SLC9A3: variants seen among roughly 807,000 people sequenced by gnomAD.
The protein encoded by SLC9A3 is sodium/hydrogen exchanger 3.
In SLC9A3, 37 loss-of-function variants were observed where a neutral mutation model predicts 86.8. That is an observed-to-expected ratio of 0.43 (90% CI 0.33 to 0.56). The LOEUF is 0.56. SLC9A3 is among the 20% of genes least tolerant of loss of function. The pLI is 0.06. For missense variants in SLC9A3, 1,011 were observed against 1,171.9 expected (o/e 0.86, Z 2.00); for synonymous variants, 581 against 528.3 (o/e 1.10, Z -1.37).
At position 496,013 on chromosome 5, in the gene SLC9A3, ACTGGTGGGTGAGGGACAGG is replaced by A. The variant is rs1739998792; in HGVS notation, c.212-3961_212-3943del. ...ACTGTAAAAGCCTGTTAACTGGGAC[ACTGGTGGGTGAGGGACAGG>A]CTGGCTTCAGACCAAACACTCCTGC... On this transcript the variant is annotated intron_variant, in intron 1 of 16. Transcript: ENST00000264938. This position sits in a 1 kb window ranked among gnomAD's most constrained non-coding sequence, Gnocchi z 4.7. Among the ~76,000 whole-genome samples the A allele has an allele frequency of 6.6e-6, 1 of 152,250 alleles. No homozygotes were observed. The highest frequency in any genetic ancestry group is 2.4e-5 in the African/African-American group (1 of 41,462).
At position 473,179 on chromosome 5, in the gene SLC9A3, C is replaced by CAGGCCCCGCCCCCGGCGCA; in HGVS notation, c.*199_*200insTGCGCCGGGGGCGGGGCCT. On this transcript the variant is annotated 3_prime_UTR_variant, in exon 17 of 17. Transcript: ENST00000264938. ...CCCGGCGCAGGCCCCGCCCCCGGCT[C>CAGGCCCCGCCCCCGGCGCA]GCCCTCGGGCGGCTCTGCGGGCGCA... The CAGGCCCCGCCCCCGGCGCA allele has an allele frequency of 1.2e-4, 58 of 492,578 alleles. No homozygotes were observed. The highest frequency in any genetic ancestry group is 1.9e-4 in the South Asian group (2 of 10,458). 30.5% of individuals were successfully genotyped at this position (492,578 alleles called of 1,614,324 possible). A position where few individuals can be genotyped will look rare whatever the true frequency, so the allele number is the denominator to read the frequency against.
chr5:474,694 GAGAGAGAGCGA>G (rs1560947112), intron 16 of SLC9A3, among the ~76,000 whole-genome samples, 178 bp downstream of exon 16: 27 of 26,908 alleles, frequency 1.0e-3, no homozygotes, highest in African/African-American at 2.2e-3. Context: ...TAGGCGGGGA[GAGAGAGAGCGA>G]GCCAGGTTCA....
At position 473,339 on chromosome 5, in the gene SLC9A3, C is replaced by G. The variant is rs775236709; in HGVS notation, c.*40G>C. On this transcript the variant is annotated 3_prime_UTR_variant, in exon 17 of 17. Transcript: ENST00000264938. ...CGGCGGCGGTGGGCGGACCGTGGCG[C>G]GGGGACGAGCGGCCGGTTAGCGGCG... is the stretch of plus-strand genomic sequence containing the variant. The G allele has an allele frequency of 7.1e-7, 1 of 1,412,452 alleles. No individual in the cohort carries two copies. The highest frequency in any genetic ancestry group is 1.5e-5 in the South Asian group (1 of 68,352). 87.5% of individuals were successfully genotyped at this position (1,412,452 alleles called of 1,614,324 possible). A position where few individuals can be genotyped will look rare whatever the true frequency, so the allele number is the denominator to read the frequency against.
chr5:509,069 C>T (rs976514357), intron 1 of SLC9A3, among the ~76,000 whole-genome samples: 14 of 151,156 alleles, frequency 9.3e-5, no homozygotes, highest in African/African-American at 3.4e-4. Flanking sequence ...GATCGCACCA[C>T]TGCATTCCAG....
At chr5:501,911 G>A (rs868078010) in intron 1 of SLC9A3, among the ~76,000 whole-genome samples, 31 of 152,332 alleles carry the variant, frequency 2.0e-4, no homozygotes, top group African/African-American at 6.5e-4. Context: ...GCCGGCTCCC[G>A]GGGGCCACGC....
rs11957707 is a variant in SLC9A3, at chr5:483,637, A to G, written c.933-155T>C. Among the ~76,000 whole-genome samples, 513 of 152,268 alleles carry G rather than the reference A, an allele frequency of 3.4e-3. 3 individuals are homozygous for G. The highest frequency in any genetic ancestry group is 0.012 in the African/African-American group (491 of 41,564). ...TCCTCCCGAGCCAGGCTGGGCCGCCAGGGTTCCTGCCCACAGCCCTGCGGG... is the reference window on the plus strand; with the variant it reads ...TCCTCCCGAGCCAGGCTGGGCCGCCGGGGTTCCTGCCCACAGCCCTGCGGG... On this transcript the variant is annotated intron_variant, in intron 5 of 16. Coordinates refer to ENST00000264938, the MANE Select transcript of SLC9A3 (RefSeq NM_004174.4).
In SLC9A3 at chr5:483,226, C is replaced by T. The variant is rs771201601; in HGVS notation, c.1153+36G>A. 1.6e-4 allele frequency: 238 copies of T among 1,464,356 alleles called. 1 individual carries two copies. The highest frequency in any genetic ancestry group is 2.4e-4 in the South Asian group (20 of 81,938). 90.7% of individuals were successfully genotyped at this position (1,464,356 alleles called of 1,614,324 possible). On this transcript the variant is annotated intron_variant, in intron 6 of 16. Transcript: ENST00000264938. ...CTTCCCGGAGACGGTGCCGGCCCAT[C>T]GGTGGTCCCACGGCCGCAACCCGGC...
At chr5:517,248 T>C (rs1733757047) in intron 1 of SLC9A3, among the ~76,000 whole-genome samples, 1 of 72,338 alleles carries the variant, frequency 1.4e-5, no homozygotes, top group Non-Finnish European at 2.7e-5. Context: ...CATCTGTCCA[T>C]TCACTCACTC....
intron 1 of SLC9A3, among the ~76,000 whole-genome samples, chr5:503,875 G>T (rs1219819107): frequency 6.6e-6 from 1 of 152,214 alleles, no homozygotes; most frequent in African/African-American, 2.4e-5. Flanking sequence ...TCGGCGAATC[G>T]TCTGCGCGAG....
intron 15 of SLC9A3, 67 bp from the exon 16 acceptor site, chr5:475,199 G>A (rs952379217): frequency 2.0e-6 from 3 of 1,490,574 alleles, no homozygotes; most frequent in Non-Finnish European, 1.8e-6. Context: ...GACCTCGCCG[G>A]GGCCGTCACC....
intron 1 of SLC9A3, among the ~76,000 whole-genome samples, chr5:498,845 G>A (rs1186162157): frequency 6.6e-6 from 1 of 152,176 alleles, no homozygotes; most frequent in African/African-American, 2.4e-5. Flanking sequence ...GCTTTGGGTG[G>A]GACACTGCTT....
chr5:518,848 G>A (rs778039072), intron 1 of SLC9A3, among the ~76,000 whole-genome samples: 2 of 152,146 alleles, frequency 1.3e-5, no homozygotes, highest in South Asian at 2.1e-4. Context: ...GGGCTGGGGG[G>A]GCTGGCGGCC....
Position 491,715 on chromosome 5 carries a change from C to T in SLC9A3, c.514+54G>A, listed in dbSNP as rs1466509869. The T allele has an allele frequency of 7.0e-6, 10 of 1,438,264 alleles. No homozygotes were observed. The highest frequency in any genetic ancestry group is 8.4e-6 in the Non-Finnish European group (9 of 1,075,946). 89.1% of individuals were successfully genotyped at this position (1,438,264 alleles called of 1,614,324 possible). Reference sequence around the variant, plus strand: ...ACCTTTCTGAGATGAGGCAGCGCCGCCCCTCCCGGACCCCACCCTGATCCC... The same window carrying T: ...ACCTTTCTGAGATGAGGCAGCGCCGTCCCTCCCGGACCCCACCCTGATCCC... On this transcript the variant is annotated intron_variant, in intron 2 of 16. Coordinates refer to ENST00000264938, the MANE Select transcript of SLC9A3 (RefSeq NM_004174.4). This position sits in a 1 kb window ranked among gnomAD's most constrained non-coding sequence, Gnocchi z 9.2.
intron 7 of SLC9A3, among the ~76,000 whole-genome samples, 187 bp downstream of exon 7, chr5:482,361 C>T (rs1310458113): frequency 2.0e-5 from 3 of 152,168 alleles, no homozygotes; most frequent in Non-Finnish European, 4.4e-5. Flanking sequence ...CCGGGAAGAA[C>T]ATTTTTAGGA....
intron 4 of SLC9A3, 146 bp from the exon 5 acceptor site, chr5:484,843 A>G: frequency 1.3e-6 from 1 of 788,916 alleles, no homozygotes; most frequent in Non-Finnish European, 2.0e-6. Context: ...TGGTCTCAGC[A>G]CCAGCCTTGG....
Position 476,009 on chromosome 5 carries a change from C to A in SLC9A3, c.2140+11G>T. The A allele has an allele frequency of 1.2e-6, 2 of 1,602,822 alleles. No individual in the cohort carries two copies. Among genetic ancestry groups the A allele is most frequent in the South Asian group, 2.2e-5 (2 of 89,548 alleles). Reference sequence around the variant, plus strand: ...CCCAGTCCCAGCGTTCCTGCAGGGCCCCCAGCGCACCTTTCTCCTTGATGG... The same window carrying A: ...CCCAGTCCCAGCGTTCCTGCAGGGCACCCAGCGCACCTTTCTCCTTGATGG... On this transcript the variant is annotated intron_variant, in intron 14 of 16. Coordinates refer to ENST00000264938, the MANE Select transcript of SLC9A3 (RefSeq NM_004174.4).
At position 473,287 on chromosome 5, in the gene SLC9A3, G is replaced by A. The variant is rs528290212; in HGVS notation, c.*92C>T. On this transcript the variant is annotated 3_prime_UTR_variant, in exon 17 of 17. Transcript: ENST00000264938. Reference sequence around the variant, plus strand: ...GCTCGCGGTCGCTGTAGCCGCGCGGGGATCTGGGGTTTCTCTGGGACAGCG... The same window carrying A: ...GCTCGCGGTCGCTGTAGCCGCGCGGAGATCTGGGGTTTCTCTGGGACAGCG... 3.9e-6 allele frequency: 5 copies of A among 1,269,520 alleles called. No individual in the cohort carries two copies. In the African/African-American group the frequency reaches 4.7e-5, roughly 12 times the overall value. 78.6% of individuals were successfully genotyped at this position (1,269,520 alleles called of 1,614,324 possible).
intron 1 of SLC9A3, among the ~76,000 whole-genome samples, chr5:498,489 G>A (rs978289349): frequency 7.9e-5 from 12 of 152,188 alleles, no homozygotes; most frequent in East Asian, 1.9e-4. Context: ...TGCAACCTCC[G>A]CCTCCTGGGT....
At chr5:494,198 C>T (rs1020289654) in intron 1 of SLC9A3, among the ~76,000 whole-genome samples, 4 of 152,220 alleles carry the variant, frequency 2.6e-5, no homozygotes, top group African/African-American at 2.4e-5. Flanking sequence ...GGGACCCTAA[C>T]GCGTGCCCCG....
Sources: allele counts gnomAD v4.1 joint callset (sites outside exome capture counted in the v4.1 genomes callset), GRCh38; gene constraint gnomAD v4.1.1; non-coding constraint Gnocchi (gnomAD v3.1); transcripts MANE v1.5; gene names NCBI Gene and HGNC (gene_info 2026-07-23, HGNC 2026-07-21).